DLG2: variants seen among roughly 807,000 people sequenced by gnomAD.
The protein encoded by DLG2 is disks large homolog 2.
DLG2 carries 45 observed loss-of-function variants against 132.5 expected under a neutral mutation model. The ratio of observed to expected loss-of-function variants is 0.34; its 90% CI spans 0.27 to 0.44. The LOEUF is 0.44. Among genes scored for constraint, DLG2 ranks in the 20% least tolerant of loss-of-function variants. DLG2 has a pLI of 1.00. For missense variants in DLG2, 1,045 were observed against 1,196.9 expected (o/e 0.87, Z 1.87); for synonymous variants, 424 against 419.6 (o/e 1.01, Z -0.13).
intron 3 of DLG2, among the ~76,000 whole-genome samples, chr11:85,439,460 C>A (rs61907125): frequency 1.3e-5 from 2 of 151,388 alleles, no homozygotes; most frequent in Non-Finnish European, 2.9e-5. Flanking sequence ...TCCAGGTTCA[C>A]GCCATTCTCC....
chr11:83,500,495 C>T (rs1045196871), intron 21 of DLG2, among the ~76,000 whole-genome samples: 1 of 152,296 alleles, frequency 6.6e-6, no homozygotes. Flanking sequence ...GGCTACATTT[C>T]TTCCAACATC....
At chr11:83,942,804 A>C (rs934859052) in intron 14 of DLG2, among the ~76,000 whole-genome samples, 1 of 152,222 alleles carries the variant, frequency 6.6e-6, no homozygotes, top group African/African-American at 2.4e-5. Flanking sequence ...CACACACACA[A>C]AAAAGGTAAC....
chr11:84,220,817 T>G (rs575339087), intron 8 of DLG2, among the ~76,000 whole-genome samples: 1 of 123,786 alleles, frequency 8.1e-6, no homozygotes, highest in South Asian at 2.9e-4. Flanking sequence ...GGTCTAGCTC[T>G]GTTACCCAGG....
intron 19 of DLG2, among the ~76,000 whole-genome samples, chr11:83,610,134 C>CT (rs1226217321): frequency 6.6e-6 from 1 of 152,170 alleles, no homozygotes; most frequent in Non-Finnish European, 1.5e-5. Flanking sequence ...TACTAGGTCT[C>CT]TAAGACCTGG....
At chr11:84,032,205 T>G (rs2095717312) in intron 11 of DLG2, among the ~76,000 whole-genome samples, 1 of 152,146 alleles carries the variant, frequency 6.6e-6, no homozygotes, top group Non-Finnish European at 1.5e-5. Flanking sequence ...CTAGAAATGA[T>G]TATGCTTAGT....
intron 7 of DLG2, among the ~76,000 whole-genome samples, chr11:84,525,434 T>C (rs2099317346): frequency 6.6e-6 from 1 of 152,166 alleles, no homozygotes; most frequent in South Asian, 2.1e-4. Flanking sequence ...TCTATTTCTC[T>C]CTCTTTTCTA....
chr11:85,106,833 C>A (rs1370959459), intron 6 of DLG2, among the ~76,000 whole-genome samples: 1 of 151,880 alleles, frequency 6.6e-6, no homozygotes, highest in African/African-American at 2.4e-5. Flanking sequence ...AAGGGTGTAC[C>A]CTTAACTATG....
chr11:83,518,559 C>A (rs1233184437), intron 21 of DLG2, among the ~76,000 whole-genome samples: 1 of 152,172 alleles, frequency 6.6e-6, no homozygotes, highest in Non-Finnish European at 1.5e-5. Flanking sequence ...CGACAATCCC[C>A]AGTGAGATGA....
At chr11:84,917,899 A>G (rs1487415812) in intron 6 of DLG2, among the ~76,000 whole-genome samples, 1 of 152,140 alleles carries the variant, frequency 6.6e-6, no homozygotes, top group Non-Finnish European at 1.5e-5. Flanking sequence ...CCTAAAAGAG[A>G]GAGTTATTCA....
intron 6 of DLG2, chr11:84,923,578 C>T (rs2092864789): frequency 1.0e-6 from 1 of 993,174 alleles, no homozygotes; most frequent in Non-Finnish European, 1.2e-6. Flanking sequence ...GATCGCATCG[C>T]AGACTGTAAA....
intron 8 of DLG2, among the ~76,000 whole-genome samples, chr11:84,202,304 G>A (rs762937177): frequency 6.6e-5 from 10 of 152,062 alleles, no homozygotes; most frequent in Non-Finnish European, 1.2e-4. Flanking sequence ...AGAATCCAGA[G>A]ATGAGATTTC....
At chr11:84,831,188 G>T (rs2079015745) in intron 6 of DLG2, among the ~76,000 whole-genome samples, 1 of 151,352 alleles carries the variant, frequency 6.6e-6, no homozygotes, top group African/African-American at 2.4e-5. Context: ...ACAGAACAAA[G>T]AAGCAGAAAG....
chr11:85,573,160 C>T (rs760356905), intron 3 of DLG2, among the ~76,000 whole-genome samples: 42 of 152,140 alleles, frequency 2.8e-4, no homozygotes, highest in Non-Finnish European at 5.0e-4. Context: ...ATGTAGGTGT[C>T]ATACTTGTAC....
chr11:83,629,672 C>CT (rs2063233111), intron 19 of DLG2, among the ~76,000 whole-genome samples: 2 of 152,102 alleles, frequency 1.3e-5, no homozygotes, highest in African/African-American at 4.8e-5. Context: ...ATTATACCAG[C>CT]TTTTATCAGC....
In DLG2 at chr11:84,326,890, G is replaced by A. The variant is rs181746437; in HGVS notation, c.520-75599C>T. Among the ~76,000 whole-genome samples, 15 of 151,834 alleles carry A rather than the reference G, an allele frequency of 9.9e-5. No homozygotes were observed. The East Asian group carries it at 2.3e-3, about 24-fold the overall frequency. On this transcript the variant is annotated intron_variant, in intron 7 of 27. Transcript: ENST00000376104. The stretch of plus-strand genomic sequence containing the variant: ...ATCAATGTCTGTTTTATATATTTGG[G>A]TGCTCTGATGTTAGGTGAATATATA...
intron 6 of DLG2, among the ~76,000 whole-genome samples, chr11:84,606,664 G>C (rs1184355339): frequency 6.6e-6 from 1 of 152,050 alleles, no homozygotes; most frequent in Non-Finnish European, 1.5e-5. Context: ...GAAGATAAAT[G>C]CCTCTGTTTC....
At chr11:85,485,067 C>T (rs1397472281) in intron 3 of DLG2, among the ~76,000 whole-genome samples, 2 of 152,042 alleles carry the variant, frequency 1.3e-5, no homozygotes, top group Non-Finnish European at 2.9e-5. Flanking sequence ...ATGGATGAAG[C>T]TGGAAACCAT....
intron 2 of DLG2, among the ~76,000 whole-genome samples, chr11:85,618,730 T>C (rs1454831763): frequency 6.6e-6 from 1 of 152,198 alleles, no homozygotes; most frequent in African/African-American, 2.4e-5. Context: ...AATCAGCACA[T>C]GTACTCACTG....
intron 15 of DLG2, among the ~76,000 whole-genome samples, chr11:83,909,535 C>T (rs773419364): frequency 3.9e-5 from 6 of 152,064 alleles, no homozygotes; most frequent in South Asian, 2.1e-4. Context: ...TGGGAAAAGC[C>T]GTAAGGTCAT....
Sources: gnomAD v4.1 joint callset for allele counts (sites outside exome capture counted in the v4.1 genomes callset) on GRCh38, gnomAD v4.1.1 for gene constraint, MANE v1.5 for transcripts, NCBI Gene and HGNC (gene_info 2026-07-23, HGNC 2026-07-21) for gene names.